Variants in JAZF1 observed in about 807,000 individuals in gnomAD.
JAZF1 encodes juxtaposed with another zinc finger protein 1.
Under a neutral mutation model 26.4 loss-of-function variants are expected in JAZF1, and 8 were observed. The observed-to-expected ratio is 0.30, with a 90% CI of 0.18 to 0.55. The LOEUF (loss-of-function observed/expected upper bound fraction) is 0.55. JAZF1 is among the 20% of genes least tolerant of loss of function. JAZF1 has a pLI of 0.94. For synonymous variants in JAZF1, 126 were observed against 122.3 expected (o/e 1.03, Z -0.20); for missense variants, 199 against 322.0 (o/e 0.62, Z 2.92).
intron 4 of JAZF1, among the ~76,000 whole-genome samples, chr7:27,839,392 G>GCCTTATCTGTACAAATC (rs1782880102): frequency 6.6e-6 from 1 of 152,168 alleles, no homozygotes; most frequent in Admixed American, 6.5e-5. Context: ...AAGAAAGAAG[G>GCCTTATCTGTACAAATC]AAAAAGTCTC....
intron 1 of JAZF1, among the ~76,000 whole-genome samples, chr7:28,104,182 T>C (rs1215438207): frequency 6.6e-6 from 1 of 152,084 alleles, no homozygotes; most frequent in East Asian, 1.9e-4. Context: ...CTGGGGCGAC[T>C]CCCCAGCCAC....
At chr7:28,093,811 C>T (rs1177887819) in intron 1 of JAZF1, among the ~76,000 whole-genome samples, 4 of 152,218 alleles carry the variant, frequency 2.6e-5, no homozygotes, top group East Asian at 1.9e-4. Context: ...TTTTCAAATG[C>T]TGTAGCGCCC....
intron 1 of JAZF1, among the ~76,000 whole-genome samples, chr7:28,107,992 T>C (rs1351878186): frequency 6.6e-6 from 1 of 152,128 alleles, no homozygotes; most frequent in Non-Finnish European, 1.5e-5. Context: ...CCATCACGGC[T>C]AAAACAATGA....
At chr7:28,159,551 T>C (rs2127951196) in intron 1 of JAZF1, among the ~76,000 whole-genome samples, 1 of 151,934 alleles carries the variant, frequency 6.6e-6, no homozygotes, top group East Asian at 1.9e-4. Flanking sequence ...GGGTTTTCTT[T>C]TGTTGGAATG....
intron 1 of JAZF1, among the ~76,000 whole-genome samples, chr7:28,076,502 A>G (rs1784053397): frequency 6.6e-6 from 1 of 152,196 alleles, no homozygotes; most frequent in African/African-American, 2.4e-5. Flanking sequence ...GGCTTTGCTA[A>G]AAAAGACTGA....
chr7:27,888,248 A>G (rs979805538), intron 3 of JAZF1, among the ~76,000 whole-genome samples: 2 of 152,198 alleles, frequency 1.3e-5, no homozygotes, highest in Admixed American at 6.5e-5. Flanking sequence ...ATATCACAAA[A>G]TTCAGTCAGG....
At chr7:28,131,423 CTTT>C (rs1782791735) in intron 1 of JAZF1, among the ~76,000 whole-genome samples, 2 of 152,144 alleles carry the variant, frequency 1.3e-5, no homozygotes, top group African/African-American at 2.4e-5. Context: ...TTCCAAAACA[CTTT>C]TTATTTCACC....
chr7:28,007,183 A>G (rs1022034331), intron 1 of JAZF1, among the ~76,000 whole-genome samples: 1 of 152,222 alleles, frequency 6.6e-6, no homozygotes, highest in Non-Finnish European at 1.5e-5. Context: ...CTCTAGGCAT[A>G]GAATTATTTC....
intron 1 of JAZF1, among the ~76,000 whole-genome samples, chr7:28,090,818 T>TC (rs1491382605): frequency 1.1e-5 from 1 of 88,116 alleles, no homozygotes; most frequent in Non-Finnish European, 2.0e-5. Flanking sequence ...TTTTTAGTTG[T>TC]TTTTTTTTTT....
chr7:27,890,930 CA>C (rs1448350242), intron 3 of JAZF1, among the ~76,000 whole-genome samples: 12 of 152,028 alleles, frequency 7.9e-5, no homozygotes, highest in African/African-American at 2.9e-4. Flanking sequence ...GCTGGGATTA[CA>C]GGCGTGAGCC....
chr7:27,853,939 C>G (rs1445153846), intron 3 of JAZF1, among the ~76,000 whole-genome samples: 1 of 152,202 alleles, frequency 6.6e-6, no homozygotes, highest in African/African-American at 2.4e-5. Flanking sequence ...TGTTAATTTT[C>G]TGTCTTGTTG....
At chr7:27,882,687 G>A (rs980426970) in intron 3 of JAZF1, among the ~76,000 whole-genome samples, 8 of 152,178 alleles carry the variant, frequency 5.3e-5, no homozygotes, top group Non-Finnish European at 1.2e-4. Context: ...TTAATGCTGT[G>A]CAGCTGGGTG....
At chr7:28,104,648 C>T (rs1459069234) in intron 1 of JAZF1, among the ~76,000 whole-genome samples, 7 of 152,150 alleles carry the variant, frequency 4.6e-5, no homozygotes, top group Admixed American at 3.9e-4. Flanking sequence ...TTCTCCACCT[C>T]CCTCCTACTT....
chr7:27,871,765 T>TG (rs1377437445), intron 3 of JAZF1, among the ~76,000 whole-genome samples: 3 of 152,172 alleles, frequency 2.0e-5, no homozygotes, highest in Non-Finnish European at 4.4e-5. Flanking sequence ...CCCAATCTTT[T>TG]GGGGTGGGTT....
intron 1 of JAZF1, among the ~76,000 whole-genome samples, chr7:28,098,802 CACA>C (rs560909206): frequency 2.0e-5 from 3 of 152,312 alleles, no homozygotes; most frequent in Admixed American, 6.5e-5. Flanking sequence ...GCATATCATG[CACA>C]ACATTTCATC....
intron 1 of JAZF1, among the ~76,000 whole-genome samples, chr7:28,091,409 C>T (rs987467323): frequency 6.6e-6 from 1 of 151,688 alleles, no homozygotes; most frequent in Non-Finnish European, 1.5e-5. Flanking sequence ...CAATATGCTA[C>T]CATAACAATT....
In JAZF1 at chr7:28,180,635, A is replaced by T; in HGVS notation, c.-58T>A. The T allele has an allele frequency of 2.5e-5, 16 of 629,800 alleles. No individual in the cohort carries two copies. Among genetic ancestry groups the T allele is most frequent in the Non-Finnish European group, 3.5e-5 (15 of 433,214 alleles). 39.0% of individuals were successfully genotyped at this position (629,800 alleles called of 1,614,324 possible). On this transcript the variant is annotated 5_prime_UTR_variant, in exon 1 of 5. Coordinates refer to ENST00000283928, the MANE Select transcript of JAZF1 (RefSeq NM_175061.4). ...TCTGCGAGCGCCGGGCGGGCGAGGG[A>T]GGGAGGGAGGCCGGGTGGGGTGAGG... is the stretch of plus-strand genomic sequence containing the variant.
intron 2 of JAZF1, among the ~76,000 whole-genome samples, chr7:27,931,957 T>G (rs1466631773): frequency 6.6e-6 from 1 of 152,072 alleles, no homozygotes; most frequent in Non-Finnish European, 1.5e-5. Flanking sequence ...AAAAATCAGG[T>G]TTGGGTGACT....
intron 2 of JAZF1, among the ~76,000 whole-genome samples, chr7:27,974,149 A>C (rs1158497101): frequency 1.3e-5 from 2 of 152,138 alleles, no homozygotes; most frequent in Non-Finnish European, 2.9e-5. Context: ...GCCTGGCACT[A>C]GATGAGCTGA....
Sources: allele counts gnomAD v4.1 joint callset (sites outside exome capture counted in the v4.1 genomes callset), GRCh38; gene constraint gnomAD v4.1.1; transcripts MANE v1.5; gene names NCBI Gene and HGNC (gene_info 2026-07-23, HGNC 2026-07-21).